MYO1D: variants seen among roughly 807,000 people sequenced by gnomAD.
MYO1D encodes the protein unconventional myosin-Id.
Under a neutral mutation model 122.0 loss-of-function variants are expected in MYO1D, and 83 were observed. That is an observed-to-expected ratio of 0.68 (90% CI 0.57 to 0.82). The LOEUF is 0.82. Ranked by LOEUF, MYO1D falls within the 40% of genes least tolerant of loss-of-function variation. The pLI is 0.00. For missense variants in MYO1D, 1,157 were observed against 1,269.5 expected (o/e 0.91, Z 1.35); for synonymous variants, 464 against 446.9 (o/e 1.04, Z -0.48).
intron 13 of MYO1D, among the ~76,000 whole-genome samples, chr17:32,742,740 GTC>G (rs2089786945): frequency 6.6e-6 from 1 of 152,074 alleles, no homozygotes; most frequent in Admixed American, 6.5e-5. Flanking sequence ...TCACATTCCT[GTC>G]TCTGTAACTT....
chr17:32,712,038 C>T lies in MYO1D; in HGVS notation c.2071G>A (p.Glu691Lys). 1 of 1,614,124 alleles carries T rather than the reference C, an allele frequency of 6.2e-7. No individual in the cohort carries two copies. Among genetic ancestry groups the T allele is most frequent in the Non-Finnish European group, 8.5e-7 (1 of 1,180,010 alleles). Residue 691 changes from glutamate (E) to lysine (K), a missense_variant, in exon 16 of 22, where the codon GAA (glutamate) becomes AAA (lysine). Glu to Lys is a moderately conservative substitution (Grantham distance 56). Transcript: ENST00000318217. ...ATGAGCATCTGGGCACGGAGTTCTT[C>T]CAAGGTAAACAATGTTCGGGGTGTT... The part of the protein sequence containing the change: ...IRTPRTLFTL[E>K]ELRAQMLIRI...
chr17:32,624,893 C>T (rs1025462712), intron 20 of MYO1D, among the ~76,000 whole-genome samples: 9 of 151,666 alleles, frequency 5.9e-5, no homozygotes, highest in Admixed American at 4.6e-4. Context: ...CGGGTTCAAG[C>T]GATTCTCTTG....
intron 21 of MYO1D, among the ~76,000 whole-genome samples, chr17:32,516,126 C>T (rs1396174742): frequency 6.6e-6 from 1 of 152,250 alleles, no homozygotes; most frequent in Non-Finnish European, 1.5e-5. Context: ...TTTTCAGACT[C>T]TTACTCAATG....
intron 21 of MYO1D, among the ~76,000 whole-genome samples, chr17:32,566,165 A>G (rs571766345): frequency 1.2e-4 from 18 of 151,442 alleles, no homozygotes; most frequent in African/African-American, 3.9e-4. Context: ...TGTGCTCCTT[A>G]TAACCCCCTG....
intron 2 of MYO1D, among the ~76,000 whole-genome samples, chr17:32,779,147 C>T (rs528717002): frequency 9.9e-5 from 15 of 152,154 alleles, no homozygotes; most frequent in East Asian, 3.9e-4. Flanking sequence ...GAAGTATCTT[C>T]GAAATGTTAA....
intron 1 of MYO1D, among the ~76,000 whole-genome samples, chr17:32,827,422 G>A (rs566991380): frequency 7.2e-5 from 11 of 152,230 alleles, no homozygotes; most frequent in Admixed American, 6.5e-4. Context: ...GGGAGTTATG[G>A]TCCAATGGGT....
intron 15 of MYO1D, among the ~76,000 whole-genome samples, chr17:32,718,424 G>A (rs929199511): frequency 6.6e-6 from 1 of 152,194 alleles, no homozygotes; most frequent in African/African-American, 2.4e-5. Flanking sequence ...CTGGCTGGGC[G>A]TGGTGGCTCA....
intron 8 of MYO1D, among the ~76,000 whole-genome samples, chr17:32,763,125 G>A (rs2090019503): frequency 1.3e-5 from 2 of 151,810 alleles, no homozygotes; most frequent in Admixed American, 1.3e-4. Flanking sequence ...GGCAGAGCTT[G>A]CAGTGAGCTG....
chr17:32,872,265 G>A (rs1056232812), intron 1 of MYO1D, among the ~76,000 whole-genome samples: 6 of 152,096 alleles, frequency 3.9e-5, no homozygotes, highest in African/African-American at 9.6e-5. Context: ...TAGAACACAA[G>A]CAGGTTTTAT....
intron 21 of MYO1D, chr17:32,518,995 G>A (rs1447542880): frequency 6.6e-6 from 1 of 152,340 alleles, no homozygotes; most frequent in Non-Finnish European, 1.5e-5. Flanking sequence ...AGCAAGCCAG[G>A]CCAAGAGGGC....
rs150920194 is a variant in MYO1D, at chr17:32,586,256, T to A, written c.2864+18831A>T. Among the ~76,000 whole-genome samples the A allele has an allele frequency of 2.0e-5, 3 of 152,278 alleles. No individual in the cohort carries two copies. The East Asian group carries it at 5.8e-4, about 29-fold the overall frequency. ...TCCTCTTAAAATTCAGGGGGAAAAA[T>A]TAATCTGATAGAATGATCTCTTCCT... On this transcript the variant is annotated intron_variant, in intron 21 of 21. Coordinates refer to ENST00000318217, the MANE Select transcript of MYO1D (RefSeq NM_015194.3).
At chr17:32,838,151 CTA>C (rs1318083401) in intron 1 of MYO1D, among the ~76,000 whole-genome samples, 1 of 152,062 alleles carries the variant, frequency 6.6e-6, no homozygotes, top group Non-Finnish European at 1.5e-5. Context: ...TCATGTCAAA[CTA>C]TATTCTTAAA....
intron 21 of MYO1D, among the ~76,000 whole-genome samples, chr17:32,591,403 C>T (rs536929765): frequency 5.3e-5 from 8 of 152,138 alleles, no homozygotes; most frequent in Non-Finnish European, 1.0e-4. Context: ...GCCCTCACTG[C>T]GAACTTCTTA....
intron 17 of MYO1D, among the ~76,000 whole-genome samples, chr17:32,654,986 T>G (rs1434489978): frequency 6.6e-6 from 1 of 152,200 alleles, no homozygotes. Flanking sequence ...GCTCCATGCA[T>G]TCTCAAAAAT....
intron 21 of MYO1D, among the ~76,000 whole-genome samples, chr17:32,553,358 A>C (rs1467707209): frequency 6.6e-6 from 1 of 152,190 alleles, no homozygotes; most frequent in African/African-American, 2.4e-5. Context: ...GCCTTTACAG[A>C]GGAGGCGATA....
chr17:32,661,851 CAT>C (rs1201713188), intron 16 of MYO1D, among the ~76,000 whole-genome samples: 3 of 152,078 alleles, frequency 2.0e-5, no homozygotes, highest in African/African-American at 4.8e-5. Flanking sequence ...GAATAATTTA[CAT>C]ATGATATGTA....
intron 14 of MYO1D, among the ~76,000 whole-genome samples, chr17:32,727,149 A>G (rs796617986): frequency 6.6e-6 from 1 of 152,244 alleles, no homozygotes; most frequent in Non-Finnish European, 1.5e-5. Flanking sequence ...CTCATAGGCC[A>G]CATTTGGCAC....
Position 32,583,382 on chromosome 17 carries a change from T to C in MYO1D, c.2864+21705A>G, listed in dbSNP as rs73278234. ...TGATTTTTTTTGTGCCTAGGGTTCA[T>C]TGAACTTCTTGGATCTAAGGGTTTA... is the stretch of plus-strand genomic sequence containing the variant. On this transcript the variant is annotated intron_variant, in intron 21 of 21. Transcript: ENST00000318217. Among the ~76,000 whole-genome samples, 1,455 of 152,274 alleles carry C rather than the reference T, an allele frequency of 9.6e-3. 19 individuals are homozygous for C. The highest frequency in any genetic ancestry group is 0.03 in the African/African-American group (1,238 of 41,554).
intron 14 of MYO1D, among the ~76,000 whole-genome samples, chr17:32,732,602 A>G (rs2089654049): frequency 6.6e-6 from 1 of 152,160 alleles, no homozygotes; most frequent in African/African-American, 2.4e-5. Flanking sequence ...GGAGCTACCC[A>G]CTGAGATTCT....
Sources: gnomAD v4.1 joint callset for allele counts (sites outside exome capture counted in the v4.1 genomes callset) on GRCh38, gnomAD v4.1.1 for gene constraint, MANE v1.5 for transcripts, NCBI Gene and HGNC (gene_info 2026-07-23, HGNC 2026-07-21) for gene names.